GOLGA4: variants seen among roughly 807,000 people sequenced by gnomAD.
GOLGA4 encodes golgin subfamily A member 4.
In GOLGA4, 169 loss-of-function variants were observed where a neutral mutation model predicts 265.9. The observed-to-expected ratio is 0.64, with a 90% CI of 0.56 to 0.72. The LOEUF (loss-of-function observed/expected upper bound fraction) is 0.72. Ranked by LOEUF, GOLGA4 falls within the 30% of genes least tolerant of loss-of-function variation. The pLI is 0.00. For synonymous variants in GOLGA4, 923 were observed against 855.8 expected (o/e 1.08, Z -1.37); for missense variants, 2,482 against 2,483.4 (o/e 1.00, Z 0.01).
chr3:37,276,085 T>G (rs2150741898), intron 2 of GOLGA4: 3 of 1,612,158 alleles, frequency 1.9e-6, no homozygotes, highest in East Asian at 4.5e-5. Context: ...CATCCTTTCC[T>G]CGGGCACCAA....
chr3:37,346,953 A>G (rs1423650528), intron 20 of GOLGA4, among the ~76,000 whole-genome samples: 1 of 152,256 alleles, frequency 6.6e-6, no homozygotes, highest in East Asian at 1.9e-4. Context: ...GCCAGAAGAA[A>G]GAGGAGGAAG....
At chr3:37,342,580 C>T (rs541402527) in intron 20 of GOLGA4, among the ~76,000 whole-genome samples, 6 of 152,132 alleles carry the variant, frequency 3.9e-5, no homozygotes, top group Non-Finnish European at 1.5e-5. Context: ...TTATGTAATT[C>T]AGTCATACCA....
chr3:37,286,038 C>CAG lies in GOLGA4; in HGVS notation c.510_511dup (p.Lys171ArgfsTer9), dbSNP rs1313270499. ...GCTTGTTACAGCTTATCAGATGCTTCAGAGAGAGAAGAAAAAGCTACAAGT... is the reference window on the plus strand; with the variant it reads ...GCTTGTTACAGCTTATCAGATGCTTCAGAGAGAGAGAAGAAAAAGCTACAAGT... On this transcript the variant is annotated frameshift_variant, in exon 4 of 24. Coordinates refer to ENST00000361924, the MANE Select transcript of GOLGA4 (RefSeq NM_002078.5). LOFTEE classifies it high-confidence loss of function. 6.4e-7 allele frequency: 1 copy of CAG among 1,566,974 alleles called. No homozygotes were observed. Among genetic ancestry groups the CAG allele is most frequent in the Non-Finnish European group, 8.7e-7 (1 of 1,145,268 alleles).
At chr3:37,361,042 A>G (rs1296621271) in intron 22 of GOLGA4, among the ~76,000 whole-genome samples, 1 of 152,186 alleles carries the variant, frequency 6.6e-6, no homozygotes, top group Non-Finnish European at 1.5e-5. Flanking sequence ...TCTCAGCTAC[A>G]TAATATTATA....
rs544179876 is a variant in GOLGA4, at chr3:37,258,102, GTATA to G, written c.162+6626_162+6629del. 2.3e-5 allele frequency among the ~76,000 whole-genome samples: 3 copies of G among 131,176 alleles called. No individual in the cohort carries two copies. The South Asian group carries it at 6.9e-4, about 30-fold the overall frequency. The allele number at this position is 131,176 out of a possible 152,430, so 86.1% of individuals were successfully genotyped here. A position where few individuals can be genotyped will look rare whatever the true frequency, so the allele number is the denominator to read the frequency against. On this transcript the variant is annotated intron_variant, in intron 2 of 23. Transcript: ENST00000361924. ...ATATGTGTGTATATATATATGCTCT[GTATA>G]TATATATGTGTGTATATATATATGC...
intron 18 of GOLGA4, 32 bp from the exon 19 acceptor site, chr3:37,337,615 GGCAATAATGAAACCTATGT>G: frequency 8.2e-7 from 1 of 1,218,494 alleles, no homozygotes; most frequent in Non-Finnish European, 1.2e-6. Flanking sequence ...AATGTGTCTG[GGCAATAATGAAACCTATGT>G]GCATTTCAGA....
chr3:37,326,646 T>C lies in GOLGA4; in HGVS notation c.4760T>C (p.Ile1587Thr). The C allele has an allele frequency of 6.2e-7, 1 of 1,611,458 alleles. No individual in the cohort carries two copies. The highest frequency in any genetic ancestry group is 8.5e-7 in the Non-Finnish European group (1 of 1,179,086). Residue 1587 changes from isoleucine (I) to threonine (T), a missense_variant, in exon 14 of 24, where the codon ATC becomes ACC. Around this residue, in one of 3 missense-constraint regions of GOLGA4, gnomAD observed 942 missense variants for 983.1 expected, o/e 0.96. Transcript: ENST00000361924. ...AGGGTTAAAGAAGCTGAAGAAAAAA[T>C]CTTAACACTTGAAAACCAAGTTTAT... ...DNRVKEAEEKILTLENQVYSM... is the reference protein window; with the variant it reads ...DNRVKEAEEKTLTLENQVYSM...
At chr3:37,284,067 T>C (rs989185299) in intron 3 of GOLGA4, among the ~76,000 whole-genome samples, 1 of 152,194 alleles carries the variant, frequency 6.6e-6, no homozygotes, top group Non-Finnish European at 1.5e-5. Flanking sequence ...AAAGAACTCA[T>C]AGACTTTGTC....
At chr3:37,284,230 A>G (rs996497460) in intron 3 of GOLGA4, among the ~76,000 whole-genome samples, 7 of 152,048 alleles carry the variant, frequency 4.6e-5, no homozygotes, top group Non-Finnish European at 8.8e-5. Flanking sequence ...CATGTTCAGG[A>G]TGTGCAGGGT....
chr3:37,299,638 C>T (rs142646592), intron 9 of GOLGA4, among the ~76,000 whole-genome samples: 3 of 152,174 alleles, frequency 2.0e-5, no homozygotes, highest in Admixed American at 6.5e-5. Flanking sequence ...ATTTATAGTA[C>T]ATAACTACTT....
intron 2 of GOLGA4, among the ~76,000 whole-genome samples, chr3:37,276,900 CT>C (rs771039086): frequency 2.2e-4 from 33 of 152,212 alleles, no homozygotes; most frequent in African/African-American, 7.5e-4. Context: ...TACACCTTAA[CT>C]TTTTTTCTTT....
At chr3:37,298,797 T>A in intron 7 of GOLGA4, 36 bp from the exon 8 acceptor site, 1 of 1,459,754 alleles carries the variant, frequency 6.9e-7, no homozygotes, top group Non-Finnish European at 9.4e-7. Flanking sequence ...TCATATTCCT[T>A]ACTGATGGGC....
At chr3:37,349,732 C>A (rs942519873) in intron 21 of GOLGA4, among the ~76,000 whole-genome samples, 2 of 152,052 alleles carry the variant, frequency 1.3e-5, no homozygotes, top group Admixed American at 6.6e-5. Context: ...GAAATGGAGA[C>A]CAGGTTGCGG....
intron 5 of GOLGA4, among the ~76,000 whole-genome samples, chr3:37,294,125 A>G (rs2096872055): frequency 6.6e-6 from 1 of 152,178 alleles, no homozygotes. Flanking sequence ...TTTTGCAGAG[A>G]GACAAAAATC....
rs2096955946 is a variant in GOLGA4, at chr3:37,321,871, A to G, written c.1686A>G (p.Ala562=). The G allele has an allele frequency of 6.2e-7, 1 of 1,601,376 alleles. No individual in the cohort carries two copies. The highest frequency in any genetic ancestry group is 1.4e-5 in the African/African-American group (1 of 73,998). The part of the protein sequence containing the change: ...ENKLRDLQQE[A]ETYRTRILEL... ...AACTTCGGGACCTTCAGCAAGAAGC[A>G]GAGACTTACAGAACTGTAAGTTTTA... The change falls in exon 13 of 24, where the codon GCA becomes GCG. Residue 562 remains alanine (A), a synonymous_variant. Transcript: ENST00000361924.
At chr3:37,251,350 A>G (rs2096733090) in intron 1 of GOLGA4, 45 bp from the exon 2 acceptor site, 2 of 1,163,624 alleles carry the variant, frequency 1.7e-6, no homozygotes, top group African/African-American at 1.5e-5. Context: ...ATAGTTCACT[A>G]GTCAATATAG....
chr3:37,343,092 C>T (rs1008169310), intron 20 of GOLGA4, among the ~76,000 whole-genome samples: 3 of 152,000 alleles, frequency 2.0e-5, no homozygotes, highest in Admixed American at 6.6e-5. Flanking sequence ...TGGGGTTTCA[C>T]CATGTTGGCC....
intron 2 of GOLGA4, among the ~76,000 whole-genome samples, chr3:37,262,239 C>T (rs377002046): frequency 3.9e-5 from 6 of 152,260 alleles, no homozygotes; most frequent in African/African-American, 1.4e-4. Context: ...GGCGTGGTGG[C>T]TCACGCCTGT....
At chr3:37,285,222 A>G (rs2096845342) in intron 3 of GOLGA4, among the ~76,000 whole-genome samples, 1 of 149,910 alleles carries the variant, frequency 6.7e-6, no homozygotes, top group Admixed American at 6.6e-5. Context: ...GCTGGTCTCG[A>G]ACTCTTGGGC....
Sources: gnomAD v4.1 joint callset for allele counts (sites outside exome capture counted in the v4.1 genomes callset) on GRCh38, gnomAD v4.1.1 for gene constraint, gnomAD v4.1.1 regional missense constraint, MANE v1.5 for transcripts, NCBI Gene and HGNC (gene_info 2026-07-23, HGNC 2026-07-21) for gene names.